AMZ1: variants seen among roughly 807,000 people sequenced by gnomAD.
AMZ1 encodes the protein archaelysin family metallopeptidase 1, also known as archaemetzincin-1.
A neutral mutation model predicts 29.9 loss-of-function variants in AMZ1; 39 were observed. That is an observed-to-expected ratio of 1.30 (90% confidence interval 1.01 to 1.70). AMZ1 has a LOEUF of 1.70. AMZ1 is among the 40% of genes most tolerant of loss of function. AMZ1 has a pLI of 0.00. For missense variants in AMZ1, 1,041 were observed against 680.6 expected (o/e 1.53, Z -5.89); for synonymous variants, 458 against 304.0 (o/e 1.51, Z -5.27).
intron 4 of AMZ1, among the ~76,000 whole-genome samples, chr7:2,755,501 A>G (rs1791251091): frequency 6.6e-6 from 1 of 152,210 alleles, no homozygotes; most frequent in Non-Finnish European, 1.5e-5. Context: ...TTTTAAAATG[A>G]CTGTTAATGG....
At chr7:2,722,554 A>C (rs1789467517), downstream of AMZ1, among the ~76,000 whole-genome samples, 1 of 152,188 alleles carries the variant, frequency 6.6e-6, no homozygotes, top group South Asian at 2.1e-4. Context: ...TACAGGCGTG[A>C]GCCACCGTGC....
chr7:2,692,256 C>G (rs1225029358), intron 1 of AMZ1, among the ~76,000 whole-genome samples: 1 of 152,024 alleles, frequency 6.6e-6, no homozygotes, highest in African/African-American at 2.4e-5. Flanking sequence ...GAGGACCGAG[C>G]TTGGCCGGGC....
At chr7:2,733,401 C>CAT (rs34004158) in intron 4 of AMZ1, 1,182,496 of 1,531,660 alleles carry the variant, frequency 0.77, 458,951 homozygotes, top group East Asian at 0.93. Context: ...TCTCTGGACA[C>CAT]GTTTTCTAAC....
chr7:2,728,994 C>G (rs1186755339), intron 4 of AMZ1: 1 of 152,450 alleles, frequency 6.6e-6, no homozygotes, highest in African/African-American at 2.4e-5. Context: ...TCCTTCCTCT[C>G]ATGCTTCTGG....
chr7:2,757,128 CCTTTTT>C (rs1325772317), intron 4 of AMZ1, among the ~76,000 whole-genome samples: 4 of 115,136 alleles, frequency 3.5e-5, no homozygotes, highest in Admixed American at 1.0e-4. Flanking sequence ...ATCAGGTGGG[CCTTTTT>C]TTTTTTTTTT....
chr7:2,736,191 A>T (rs208356), intron 4 of AMZ1, among the ~76,000 whole-genome samples: 53,288 of 152,062 alleles, frequency 0.35, 9,903 homozygotes, highest in East Asian at 0.63. Flanking sequence ...TGTCCACATG[A>T]AATTAACCGC....
chr7:2,762,360 T>G, upstream of AMZ1: 1 of 396,632 alleles, frequency 2.5e-6, no homozygotes, highest in Non-Finnish European at 4.4e-6. Context: ...TCCCACCGAA[T>G]CCAGACACGG....
In AMZ1 at chr7:2,712,899, G is replaced by A. The variant is rs372888248; in HGVS notation, c.*21G>A. The stretch of plus-strand genomic sequence containing the variant: ...GTTAGTACAGCAGGGGCTGCCCTAC[G>A]TCTCCTTCCCTAAGGATGCTGGCCA... On this transcript the variant is annotated 3_prime_UTR_variant, in exon 7 of 7. Transcript: ENST00000683327. 80 of 1,508,506 alleles carry A rather than the reference G, an allele frequency of 5.3e-5. No individual in the cohort carries two copies. The highest frequency in any genetic ancestry group is 5.0e-4 in the South Asian group (37 of 74,428). 93.4% of individuals were successfully genotyped at this position (1,508,506 alleles called of 1,614,324 possible). A position where few individuals can be genotyped will look rare whatever the true frequency, so the allele number is the denominator to read the frequency against.
At chr7:2,683,775 C>T (rs889901482), upstream of AMZ1, among the ~76,000 whole-genome samples, 4 of 151,994 alleles carry the variant, frequency 2.6e-5, no homozygotes, top group Admixed American at 6.6e-5. Flanking sequence ...AGATGCTGCC[C>T]AGGCTGGTCT....
chr7:2,737,297 T>G (rs1340444029), intron 4 of AMZ1, among the ~76,000 whole-genome samples: 2 of 113,304 alleles, frequency 1.8e-5, no homozygotes, highest in African/African-American at 3.5e-5. Flanking sequence ...TTGTTTTTTT[T>G]TTTTTTTTTG....
At chr7:2,746,679 T>C (rs1180947056) in intron 4 of AMZ1, among the ~76,000 whole-genome samples, 1 of 151,940 alleles carries the variant, frequency 6.6e-6, no homozygotes, top group Non-Finnish European at 1.5e-5. Context: ...AGAGCAGAAC[T>C]GAAGGAAATA....
chr7:2,698,534 T>C (rs1434840895), intron 1 of AMZ1, among the ~76,000 whole-genome samples: 1 of 151,400 alleles, frequency 6.6e-6, no homozygotes, highest in Non-Finnish European at 1.5e-5. Context: ...CAAGACTCCA[T>C]CTAAAAAAAC....
At chr7:2,726,133 C>T (rs745466500) in intron 4 of AMZ1, among the ~76,000 whole-genome samples, 1 of 152,200 alleles carries the variant, frequency 6.6e-6, no homozygotes, top group Non-Finnish European at 1.5e-5. Flanking sequence ...ATGTGATGCA[C>T]CTTACAGAGA....
At chr7:2,745,624 T>C (rs983672080) in intron 4 of AMZ1, among the ~76,000 whole-genome samples, 2 of 152,136 alleles carry the variant, frequency 1.3e-5, no homozygotes, top group Non-Finnish European at 2.9e-5. Flanking sequence ...ACGAGCAAAA[T>C]AGCCAGCTGA....
At chr7:2,708,890 G>A (rs1788550477) in intron 4 of AMZ1, among the ~76,000 whole-genome samples, 174 bp downstream of exon 4, 1 of 152,202 alleles carries the variant, frequency 6.6e-6, no homozygotes, top group South Asian at 2.1e-4. Context: ...ATGGCATAGG[G>A]GCTGTTCCTC....
At chr7:2,743,751 G>A (rs908513878) in intron 4 of AMZ1, among the ~76,000 whole-genome samples, 1 of 152,186 alleles carries the variant, frequency 6.6e-6, no homozygotes, top group African/African-American at 2.4e-5. Flanking sequence ...AGCGCAAGGG[G>A]TCAGGGAATT....
chr7:2,739,875 G>A (rs550546648), intron 4 of AMZ1, among the ~76,000 whole-genome samples: 2 of 152,120 alleles, frequency 1.3e-5, no homozygotes, highest in Non-Finnish European at 2.9e-5. Flanking sequence ...GTTTCACCGT[G>A]TTGGCCAGGC....
intron 4 of AMZ1, among the ~76,000 whole-genome samples, chr7:2,742,169 G>A (rs1790540164): frequency 6.6e-6 from 1 of 151,748 alleles, no homozygotes; most frequent in Non-Finnish European, 1.5e-5. Context: ...TTACAGAGGT[G>A]CACCACCATA....
At position 2,731,289 on chromosome 7, in the gene AMZ1, G is replaced by C; in HGVS notation, n.550+21473G>C. ...CGATGGCGGTGGTGAAGTGGTGGAA[G>C]AGTGGCTTGCTGCGGTTCCGTCTCT... On this transcript the variant is annotated intron_variant and non_coding_transcript_variant, in intron 4 of 4. Coordinates refer to the AMZ1 transcript ENST00000489665. This position sits in a 1 kb window ranked among gnomAD's most constrained non-coding sequence, Gnocchi z 6.0. 1 of 1,612,726 alleles carries C rather than the reference G, an allele frequency of 6.2e-7. No individual in the cohort carries two copies. Among genetic ancestry groups the C allele is most frequent in the Non-Finnish European group, 8.5e-7 (1 of 1,179,506 alleles).
Sources: gnomAD v4.1 joint callset for allele counts (sites outside exome capture counted in the v4.1 genomes callset) on GRCh38, gnomAD v4.1.1 for gene constraint, Gnocchi (gnomAD v3.1) non-coding constraint, MANE v1.5 for transcripts, NCBI Gene and HGNC (gene_info 2026-07-23, HGNC 2026-07-21) for gene names.